RSPH3: variants seen among roughly 807,000 people sequenced by gnomAD.
RSPH3 encodes the protein radial spoke head protein 3 homolog.
In RSPH3, 21 loss-of-function variants were observed where a neutral mutation model predicts 43.8. That is an observed-to-expected ratio of 0.48 (90% confidence interval 0.34 to 0.69). The LOEUF (loss-of-function observed/expected upper bound fraction) is 0.69, where lower values mean the gene tolerates loss of function less well. RSPH3 is among the 30% of genes least tolerant of loss of function. The probability of loss-of-function intolerance (pLI) is 0.01; values close to 1 mark genes in which losing one functional copy is unlikely to be tolerated. For synonymous variants in RSPH3, 173 were observed against 179.8 expected, an observed-to-expected ratio of 0.96 and a Z score of 0.30; for missense variants, 487 against 516.0, an observed-to-expected ratio of 0.94 and a Z score of 0.54.
At chr6:158,970,387 G>T (rs1476995452), downstream of RSPH3, among the ~76,000 whole-genome samples, 1 of 152,028 alleles carries the variant, frequency 6.6e-6, no homozygotes, top group Non-Finnish European at 1.5e-5. Context: ...TACTATTTTG[G>T]CAGTTTATAG....
intron 7 of RSPH3, 129 bp from the exon 8 acceptor site, chr6:158,977,977 T>G: frequency 1.3e-6 from 1 of 762,428 alleles, no homozygotes; most frequent in South Asian, 1.9e-5. Context: ...TGTCATAACC[T>G]TTTTTGGAAG....
intron 1 of RSPH3, among the ~76,000 whole-genome samples, chr6:158,997,343 C>T (rs929510691): frequency 1.4e-5 from 2 of 145,056 alleles, no homozygotes; most frequent in African/African-American, 5.2e-5. Flanking sequence ...GTGATCTTGG[C>T]TCACTGCAAC....
At position 158,986,377 on chromosome 6, in the gene RSPH3, A is replaced by C; in HGVS notation, c.249T>G (p.Ala83=). ...GTTTTCTGGCAAGAGCCCTCTTCCTAGCCTCCCGTTGTCTCTGGAGCTCTA... is the reference window on the plus strand; with the variant it reads ...GTTTTCTGGCAAGAGCCCTCTTCCTCGCCTCCCGTTGTCTCTGGAGCTCTA... ...DSLELQRQRE[A]RKRALARKQA... is the part of the protein sequence containing the mutation. The change falls in exon 3 of 8, where the codon GCT becomes GCG. Residue 83 remains alanine, a synonymous_variant. Coordinates refer to ENST00000367069, the MANE Select transcript of RSPH3 (RefSeq NM_031924.8). 1 of 1,614,056 alleles carries C rather than the reference A, an allele frequency of 6.2e-7. No individual in the cohort carries two copies. The highest frequency in any genetic ancestry group is 8.5e-7 in the Non-Finnish European group (1 of 1,179,898).
intron 3 of RSPH3, among the ~76,000 whole-genome samples, chr6:158,984,400 A>G (rs1296621136): frequency 7.1e-6 from 1 of 141,140 alleles, no homozygotes; most frequent in Non-Finnish European, 1.5e-5. Flanking sequence ...AGATGTGTAT[A>G]AGATGCAGAG....
At chr6:158,992,884 T>G (rs979396024) in intron 2 of RSPH3, among the ~76,000 whole-genome samples, 17 of 152,148 alleles carry the variant, frequency 1.1e-4, no homozygotes, top group Non-Finnish European at 2.4e-4. Flanking sequence ...AAATATTTGT[T>G]GAGTGAATTA....
intron 1 of RSPH3, among the ~76,000 whole-genome samples, chr6:158,998,468 CAAA>C (rs567802659): frequency 2.5e-5 from 2 of 79,520 alleles, no homozygotes; most frequent in African/African-American, 4.9e-5. Context: ...GACTCCGTCT[CAAA>C]AAAAAAAAAA....
In RSPH3 at chr6:158,986,390, C is replaced by T. The variant is rs1258187275; in HGVS notation, c.236G>A (p.Arg79Lys). 1 of 1,613,986 alleles carries T rather than the reference C, an allele frequency of 6.2e-7. No homozygotes were observed. Among genetic ancestry groups the T allele is most frequent in the Admixed American group, 1.7e-5 (1 of 60,016 alleles). Residue 79 changes from arginine to lysine, a missense_variant, in exon 3 of 8, where the codon AGA becomes AAA. Coordinates refer to ENST00000367069, the MANE Select transcript of RSPH3 (RefSeq NM_031924.8). ...AGCCCTCTTCCTAGCCTCCCGTTGT[C>T]TCTGGAGCTCTAGAGAATCAGGCCG... is the stretch of plus-strand genomic sequence containing the variant. The part of the protein sequence containing the change: ...LGRPDSLELQ[R>K]QREARKRALA...
intron 3 of RSPH3, among the ~76,000 whole-genome samples, chr6:158,985,814 CTCT>C (rs376398670): frequency 0.032 from 4,729 of 146,826 alleles, 223 homozygotes; most frequent in African/African-American, 0.11. Context: ...CTCTCTCTCT[CTCT>C]TTTTTTTTTT....
Position 158,986,000 on chromosome 6 carries a change from G to A in RSPH3, c.346+280C>T, listed in dbSNP as rs536026264. ...AGCTAATTTTTGTATTTTTAGTAGA[G>A]ATGGGGTATTTCACCACATTGGCCA... On this transcript the variant is annotated intron_variant, in intron 3 of 7. Coordinates refer to ENST00000367069, the MANE Select transcript of RSPH3 (RefSeq NM_031924.8). Among the ~76,000 whole-genome samples the A allele has an allele frequency of 2.0e-3, 308 of 151,908 alleles. 4 individuals are homozygous for A. The highest frequency in any genetic ancestry group is 6.8e-3 in the Middle Eastern group (2 of 294).
intron 1 of RSPH3, among the ~76,000 whole-genome samples, chr6:158,995,300 T>C (rs35098578): frequency 0.028 from 4,318 of 152,264 alleles, 97 homozygotes; most frequent in Non-Finnish European, 0.038. Flanking sequence ...TCATTACTTC[T>C]TCAGTGTTTC....
chr6:158,987,182 A>G (rs1022806466), intron 2 of RSPH3, among the ~76,000 whole-genome samples: 2 of 152,176 alleles, frequency 1.3e-5, no homozygotes, highest in Non-Finnish European at 2.9e-5. Context: ...GATATTTATC[A>G]TTGTTACATC....
chr6:158,990,584 A>G (rs1483231310), intron 2 of RSPH3: 1 of 151,966 alleles, frequency 6.6e-6, no homozygotes, highest in Non-Finnish European at 1.5e-5. Flanking sequence ...TAAGAAATCC[A>G]CTGCCATTTA....
At chr6:158,982,365 C>G (rs894172742) in intron 5 of RSPH3, 120 bp downstream of exon 5, 1 of 643,128 alleles carries the variant, frequency 1.6e-6, no homozygotes, top group Non-Finnish European at 2.5e-6. Context: ...TACTATAGAT[C>G]TTTTTCTAAT....
intron 3 of RSPH3, among the ~76,000 whole-genome samples, chr6:158,984,455 T>C (rs914675347): frequency 9.8e-5 from 13 of 132,148 alleles, no homozygotes; most frequent in Admixed American, 2.4e-4. Context: ...TATATATATA[T>C]ATATATATAT....
chr6:158,997,044 C>T (rs1446823839), intron 1 of RSPH3, among the ~76,000 whole-genome samples: 1 of 152,094 alleles, frequency 6.6e-6, no homozygotes, highest in African/African-American at 2.4e-5. Flanking sequence ...GGTACTTCCT[C>T]CTGTTTGGCC....
In RSPH3 at chr6:158,980,891, C is replaced by T. The variant is rs774313991; in HGVS notation, c.742G>A (p.Glu248Lys). Residue 248 changes from glutamate to lysine, a missense_variant, in exon 6 of 8, where the codon GAG becomes AAG. By Grantham distance (56) the Glu-to-Lys change is moderately conservative (BLOSUM62 1). Coordinates refer to ENST00000367069, the MANE Select transcript of RSPH3 (RefSeq NM_031924.8). ...QQWEIMHKHN[E>K]TSQKIAARAF... ...CGGGCGGCGATTTTTTGTGATGTCT[C>T]GTTGTGCTTGTGCATTATTTCCCAC... 10 of 1,613,974 alleles carry T rather than the reference C, an allele frequency of 6.2e-6. No individual in the cohort carries two copies. Among genetic ancestry groups the T allele is most frequent in the South Asian group, 3.3e-5 (3 of 91,080 alleles).
chr6:158,979,651 T>A (rs1434963093), intron 6 of RSPH3, among the ~76,000 whole-genome samples: 1 of 145,496 alleles, frequency 6.9e-6, no homozygotes, highest in Non-Finnish European at 1.6e-5. Context: ...ATACTATGTA[T>A]ATTAATAATA....
At position 158,977,863 on chromosome 6, in the gene RSPH3, G is replaced by A. The variant is rs1350560373; in HGVS notation, c.947-15C>T. On this transcript the variant is annotated splice_polypyrimidine_tract_variant and intron_variant, in intron 7 of 7. Coordinates refer to ENST00000367069, the MANE Select transcript of RSPH3 (RefSeq NM_031924.8). ...ACGGATCAACACTGAAAAGTTAAATGTTCAGACATCACTATGATTTTCATA... is the reference window on the plus strand; with the variant it reads ...ACGGATCAACACTGAAAAGTTAAATATTCAGACATCACTATGATTTTCATA... 7 of 1,577,836 alleles carry A rather than the reference G, an allele frequency of 4.4e-6. No individual in the cohort carries two copies. Among genetic ancestry groups the A allele is most frequent in the South Asian group, 2.3e-5 (2 of 86,092 alleles).
rs1661826718 is a variant in RSPH3 at position 158,983,257 on chromosome 6, A to AC, written c.492+404_492+405insG. Among the ~76,000 whole-genome samples, 6 of 151,240 alleles carry AC rather than the reference A, an allele frequency of 4.0e-5. No homozygotes were observed. The South Asian group carries it at 1.3e-3, about 32-fold the overall frequency. ...CTGATAGAAAAATGTAATTATTAAA[A>AC]TTTTTTTTTTAAATGAGAGAATATC... is the stretch of plus-strand genomic sequence containing the variant. On this transcript the variant is annotated intron_variant, in intron 4 of 7. Transcript: ENST00000367069.
Sources: gnomAD v4.1 joint callset for allele counts (sites outside exome capture counted in the v4.1 genomes callset) on GRCh38, gnomAD v4.1.1 for gene constraint, MANE v1.5 for transcripts, NCBI Gene and HGNC (gene_info 2026-07-23, HGNC 2026-07-21) for gene names.